The following NINL variants were observed in gnomAD, a reference collection of about 807,000 sequenced individuals.
NINL encodes the protein ninein-like protein.
NINL carries 153 observed loss-of-function variants against 160.3 expected under a neutral mutation model. That is an observed-to-expected ratio of 0.95 (90% CI 0.84 to 1.09). The LOEUF (loss-of-function observed/expected upper bound fraction) is 1.09, where lower values mean the gene tolerates loss of function less well. NINL is among the 50% of genes least tolerant of loss of function. The probability of loss-of-function intolerance (pLI) is 0.00; values close to 1 mark genes in which losing one functional copy is unlikely to be tolerated. For synonymous variants in NINL, 800 were observed against 734.8 expected, an observed-to-expected ratio of 1.09 and a Z score of -1.43; for missense variants, 1,829 against 1,764.0, an observed-to-expected ratio of 1.04 and a Z score of -0.66.
At chr20:25,457,010 T>C (rs1157096497) in intron 22 of NINL, among the ~76,000 whole-genome samples, 2 of 151,922 alleles carry the variant, frequency 1.3e-5, no homozygotes, top group Admixed American at 1.3e-4. Flanking sequence ...CTTTCATCTG[T>C]CCAGAGCAAG....
intron 21 of NINL, 147 bp from the exon 22 acceptor site, chr20:25,458,676 A>G (rs1691315988): frequency 1.2e-6 from 1 of 851,818 alleles, no homozygotes. Context: ...ATTTAGAAGG[A>G]GCCCATTTCT....
intron 1 of NINL, among the ~76,000 whole-genome samples, chr20:25,566,091 G>A (rs1351398502): frequency 6.6e-6 from 1 of 152,188 alleles, no homozygotes; most frequent in Non-Finnish European, 1.5e-5. Flanking sequence ...ACAGTCACAT[G>A]AGTCAGTTCT....
intron 6 of NINL, among the ~76,000 whole-genome samples, chr20:25,504,543 T>C (rs1475014621): frequency 1.3e-5 from 2 of 152,074 alleles, no homozygotes; most frequent in Non-Finnish European, 2.9e-5. Flanking sequence ...TTGGGGGCCT[T>C]GTCTTGGAGG....
intron 2 of NINL, among the ~76,000 whole-genome samples, chr20:25,519,256 C>T (rs995883075): frequency 6.6e-6 from 1 of 152,070 alleles, no homozygotes; most frequent in African/African-American, 2.4e-5. Flanking sequence ...ATATTAGCTC[C>T]AGTTACCACA....
At chr20:25,455,325 G>A (rs2090640555) in intron 23 of NINL, among the ~76,000 whole-genome samples, 1 of 152,182 alleles carries the variant, frequency 6.6e-6, no homozygotes, top group Non-Finnish European at 1.5e-5. Context: ...GGAAGCATCT[G>A]CCTCTGTCTC....
chr20:25,546,535 T>C (rs2064734610), intron 1 of NINL, among the ~76,000 whole-genome samples: 1 of 151,910 alleles, frequency 6.6e-6, no homozygotes, highest in East Asian at 1.9e-4. Context: ...AATTTCTAAA[T>C]AGGAAAGAAT....
In NINL at chr20:25,486,449, G is replaced by A. The variant is rs60831246; in HGVS notation, c.1677+2795C>T. Among the ~76,000 whole-genome samples, 1,039 of 152,302 alleles carry A rather than the reference G, an allele frequency of 6.8e-3. 18 individuals carry two copies. The highest frequency in any genetic ancestry group is 0.024 in the African/African-American group (997 of 41,562). ...GCACTAAAGGAATCTATTAATGGAA[G>A]GTTATCTCTAGGTTCTGAGTCTGCT... On this transcript the variant is annotated intron_variant, in intron 13 of 23. Coordinates refer to ENST00000278886, the MANE Select transcript of NINL (RefSeq NM_025176.6).
At chr20:25,468,385 C>T (rs1382126175) in intron 18 of NINL, among the ~76,000 whole-genome samples, 1 of 151,658 alleles carries the variant, frequency 6.6e-6, no homozygotes, top group Non-Finnish European at 1.5e-5. Flanking sequence ...GGCCTCCCTG[C>T]TCTGTCCCCC....
chr20:25,505,336 T>TGG (rs61161192), intron 5 of NINL, among the ~76,000 whole-genome samples: 4,986 of 106,534 alleles, frequency 0.047, 108 homozygotes, highest in Middle Eastern at 0.086. Flanking sequence ...AGATGCTGGT[T>TGG]GGGGGGGGGT....
chr20:25,457,411 A>T (rs1275768162), intron 22 of NINL, among the ~76,000 whole-genome samples: 6 of 152,204 alleles, frequency 3.9e-5, no homozygotes, highest in Non-Finnish European at 8.8e-5. Context: ...GAATCAGCAG[A>T]CTCATTTGTC....
chr20:25,463,236 C>G (rs955364236), intron 19 of NINL, among the ~76,000 whole-genome samples: 1 of 152,114 alleles, frequency 6.6e-6, no homozygotes, highest in African/African-American at 2.4e-5. Context: ...ATGCCATGAC[C>G]GTCCAAACCA....
At chr20:25,465,771 C>G (rs896826951) in intron 19 of NINL, among the ~76,000 whole-genome samples, 15 of 152,162 alleles carry the variant, frequency 9.9e-5, no homozygotes, top group African/African-American at 2.9e-4. Context: ...CATGGCTGAA[C>G]AGAGTCATAG....
intron 17 of NINL, among the ~76,000 whole-genome samples, chr20:25,473,258 A>G (rs1056186005): frequency 6.6e-6 from 1 of 152,112 alleles, no homozygotes; most frequent in Admixed American, 6.6e-5. Flanking sequence ...TTTGTTGACA[A>G]TTCTCCTAAT....
chr20:25,487,728 G>C (rs1425054028), intron 13 of NINL, among the ~76,000 whole-genome samples: 1 of 152,234 alleles, frequency 6.6e-6, no homozygotes, highest in Non-Finnish European at 1.5e-5. Context: ...TTTCTGTATT[G>C]TTAATAATCG....
chr20:25,528,416 T>TACC (rs1160947228), intron 1 of NINL, among the ~76,000 whole-genome samples: 1 of 152,240 alleles, frequency 6.6e-6, no homozygotes, highest in East Asian at 1.9e-4. Context: ...ATAACTAATC[T>TACC]ACTTACTGGT....
intron 1 of NINL, among the ~76,000 whole-genome samples, chr20:25,583,978 G>C (rs1193868810): frequency 2.0e-5 from 3 of 152,052 alleles, no homozygotes; most frequent in Non-Finnish European, 4.4e-5. Flanking sequence ...ATCGGGACCT[G>C]TCGGGGCGGG....
At chr20:25,457,482 G>C (rs1342379726) in intron 22 of NINL, among the ~76,000 whole-genome samples, 1 of 152,242 alleles carries the variant, frequency 6.6e-6, no homozygotes, top group African/African-American at 2.4e-5. Context: ...TTCCCTCGCT[G>C]TGTTAGTGTA....
Position 25,504,048 on chromosome 20 carries a change from A to G in NINL, c.765T>C (p.Leu255=). ...LDQDGDGKVS[L]EEFQLGLFSH... ...TGAAGAGGCCAAGCTGGAATTCCTC[A>G]AGACTCACTTTGCCGTCTCCGTCTT... The change falls in exon 7 of 24, where the codon CTT becomes CTC. Residue 255 remains leucine (L), a synonymous_variant. Transcript: ENST00000278886. 1 of 1,609,622 alleles carries G rather than the reference A, an allele frequency of 6.2e-7. No homozygotes were observed. Among genetic ancestry groups the G allele is most frequent in the Non-Finnish European group, 8.5e-7 (1 of 1,178,428 alleles).
rs6076357 is a variant in NINL at position 25,517,829 on chromosome 20, C to T, written c.201G>A (p.Lys67=). The part of the protein sequence containing the change: ...HFARVNFEEF[K]EGFVAVLSSN... ...AAGACAACACAGCCACAAAACCTTCCTTAAATTCCTCAAAGTTAACCTGGG... is the reference window on the plus strand; with the variant it reads ...AAGACAACACAGCCACAAAACCTTCTTTAAATTCCTCAAAGTTAACCTGGG... The change falls in exon 3 of 24, where the codon AAG becomes AAA. Residue 67 remains lysine (K), a synonymous_variant. Coordinates refer to ENST00000278886, the MANE Select transcript of NINL (RefSeq NM_025176.6). The T allele has an allele frequency of 6.2e-7, 1 of 1,607,410 alleles. No homozygotes were observed. The highest frequency in any genetic ancestry group is 8.5e-7 in the Non-Finnish European group (1 of 1,178,324).
Sources: allele counts gnomAD v4.1 joint callset (sites outside exome capture counted in the v4.1 genomes callset), GRCh38; gene constraint gnomAD v4.1.1; transcripts MANE v1.5; gene names NCBI Gene and HGNC (gene_info 2026-07-23, HGNC 2026-07-21).